ALKBH8: variants seen among roughly 807,000 people sequenced by gnomAD.
The protein encoded by ALKBH8 is alkB homolog 8, tRNA methyltransferase, also known as tRNA (carboxymethyluridine(34)-5-O)-methyltransferase ALKBH8.
ALKBH8 carries 36 observed loss-of-function variants against 59.8 expected under a neutral mutation model. The observed-to-expected ratio is 0.60, with a 90% CI of 0.46 to 0.79. The LOEUF (loss-of-function observed/expected upper bound fraction) is 0.79, where lower values mean the gene tolerates loss of function less well. Ranked by LOEUF, ALKBH8 falls within the 30% of genes least tolerant of loss-of-function variation. ALKBH8 has a pLI of 0.00. For missense variants in ALKBH8, 768 were observed against 801.0 expected (o/e 0.96, Z 0.50); for synonymous variants, 276 against 273.6 (o/e 1.01, Z -0.09).
chr11:107,560,469 G>T (rs911550242), intron 2 of ALKBH8, among the ~76,000 whole-genome samples: 2 of 151,922 alleles, frequency 1.3e-5, no homozygotes, highest in Non-Finnish European at 1.5e-5. Context: ...GACTTCTAGG[G>T]AATTAAATAT....
intron 8 of ALKBH8, among the ~76,000 whole-genome samples, chr11:107,530,823 GCT>G (rs1863564664): frequency 6.6e-6 from 1 of 152,040 alleles, no homozygotes; most frequent in African/African-American, 2.4e-5. Flanking sequence ...AGCATAACAT[GCT>G]TTCAGTAAGA....
intron 7 of ALKBH8, among the ~76,000 whole-genome samples, chr11:107,540,787 T>G (rs1864002158): frequency 6.6e-6 from 1 of 152,188 alleles, no homozygotes; most frequent in Admixed American, 6.5e-5. Flanking sequence ...TATGAAAAGG[T>G]TATAGAAGAA....
Position 107,511,032 on chromosome 11 carries a change from C to T in ALKBH8, c.1292G>A (p.Gly431Asp). The T allele has an allele frequency of 6.4e-7, 1 of 1,551,490 alleles. No homozygotes were observed. Among genetic ancestry groups the T allele is most frequent in the Non-Finnish European group, 8.7e-7 (1 of 1,146,894 alleles). Residue 431 changes from glycine to aspartate, a missense_variant, in exon 11 of 12, where the codon GGT becomes GAT. Coordinates refer to ENST00000428149, the MANE Select transcript of ALKBH8 (RefSeq NM_138775.3). ...LGINKELYMIGCDRSQNLVDI... is the reference protein window; with the variant it reads ...LGINKELYMIDCDRSQNLVDI... The stretch of plus-strand genomic sequence containing the variant: ...CACAAGGTTTTGGCTACGATCACAA[C>T]CAATCTGTAACAGAGAAGGAATTCC...
intron 10 of ALKBH8, among the ~76,000 whole-genome samples, chr11:107,514,894 G>C (rs1862796752): frequency 1.3e-5 from 2 of 152,006 alleles, no homozygotes; most frequent in Admixed American, 6.6e-5. Context: ...GAGAGCCACA[G>C]ATAAGACAGA....
intron 7 of ALKBH8, among the ~76,000 whole-genome samples, chr11:107,547,001 A>G (rs190441725): frequency 9.9e-4 from 151 of 152,276 alleles, no homozygotes; most frequent in Admixed American, 1.7e-3. Context: ...AGATCTTAGA[A>G]ATTTCCTGGG....
At chr11:107,539,476 A>G (rs2037822) in intron 7 of ALKBH8, among the ~76,000 whole-genome samples, 38,100 of 151,904 alleles carry the variant, frequency 0.25, 5,537 homozygotes, top group East Asian at 0.47. Flanking sequence ...GTGGGCGTCT[A>G]TAGTCCCAGC....
rs143543620 is a variant in ALKBH8 at position 107,516,800 on chromosome 11, C to G, written c.1287+5499G>C. Among the ~76,000 whole-genome samples, 853 of 152,304 alleles carry G rather than the reference C, an allele frequency of 5.6e-3. 5 individuals carry two copies. The highest frequency in any genetic ancestry group is 0.019 in the African/African-American group (794 of 41,574). On this transcript the variant is annotated intron_variant, in intron 10 of 11. Transcript: ENST00000428149. ...TTGGGAGACAAAGGTGGGTGGATCA[C>G]TGAAGCCCAGGCCTGGATCACTTGA...
At chr11:107,516,806 C>G (rs1862882263) in intron 10 of ALKBH8, among the ~76,000 whole-genome samples, 1 of 152,106 alleles carries the variant, frequency 6.6e-6, no homozygotes, top group Non-Finnish European at 1.5e-5. Flanking sequence ...ATCACTGAAG[C>G]CCAGGCCTGG....
At chr11:107,548,279 C>T (rs770192282) in intron 7 of ALKBH8, among the ~76,000 whole-genome samples, 4 of 152,212 alleles carry the variant, frequency 2.6e-5, no homozygotes, top group East Asian at 1.9e-4. Context: ...TGTCCAGCTA[C>T]GCCAGTGACA....
At chr11:107,549,379 G>C (rs905753603) in intron 7 of ALKBH8, among the ~76,000 whole-genome samples, 2 of 152,110 alleles carry the variant, frequency 1.3e-5, no homozygotes, top group South Asian at 2.1e-4. Context: ...TCAAAATTCA[G>C]AACACACATT....
At position 107,553,975 on chromosome 11, in the gene ALKBH8, T is replaced by C; in HGVS notation, c.371A>G (p.Gln124Arg). 1 of 1,613,578 alleles carries C rather than the reference T, an allele frequency of 6.2e-7. No homozygotes were observed. Among genetic ancestry groups the C allele is most frequent in the Non-Finnish European group, 8.5e-7 (1 of 1,179,772 alleles). Residue 124 changes from glutamine (Q) to arginine (R), a missense_variant, in exon 4 of 12, where the codon CAG becomes CGG. Coordinates refer to ENST00000428149, the MANE Select transcript of ALKBH8 (RefSeq NM_138775.3). ...GGCTTGAGGCCTCAACTCCTTCCAC[T>C]GCACTATGGGAAACCAAATTAAAAT... ...TLYLNFVEKV[Q>R]WKELRPQALP...
chr11:107,511,410 TA>T (rs1238348728), intron 10 of ALKBH8, among the ~76,000 whole-genome samples: 1 of 152,160 alleles, frequency 6.6e-6, no homozygotes, highest in African/African-American at 2.4e-5. Context: ...GACAGTCTTT[TA>T]GGGGGAGCTG....
rs1462805674 is a variant in ALKBH8 at position 107,505,200 on chromosome 11, C to G, written c.1453G>C (p.Ala485Pro). 1.9e-6 allele frequency: 3 copies of G among 1,545,470 alleles called. No homozygotes were observed. Among genetic ancestry groups the G allele is most frequent in the African/African-American group, 2.7e-5 (2 of 72,908 alleles). ...HFATAERRVA[A>P]LQEIVRLLRP... ...AGGAGTCGAACAATTTCTTGGAGAG[C>G]TGCCACTCTACGCTCCTAATGAAAA... is the stretch of plus-strand genomic sequence containing the variant. Residue 485 changes from alanine to proline, a missense_variant, in exon 12 of 12, where the codon GCT (alanine) becomes CCT (proline). By Grantham distance (27) the Ala-to-Pro change is conservative. Coordinates refer to ENST00000428149, the MANE Select transcript of ALKBH8 (RefSeq NM_138775.3).
At position 107,503,073 on chromosome 11, in the gene ALKBH8, A is replaced by G. The variant is rs1360124938; in HGVS notation, c.*1585T>C. On this transcript the variant is annotated 3_prime_UTR_variant, in exon 12 of 12. Transcript: ENST00000428149. ...ATCTTCCATTTTCTCTCCCTTCTTG[A>G]GTCAATTTTGGTATTTTTCATCTTC... 2.6e-5 allele frequency: 4 copies of G among 152,074 alleles called. No homozygotes were observed. Among genetic ancestry groups the G allele is most frequent in the African/African-American group, 4.8e-5 (2 of 41,390 alleles). 9.4% of individuals were successfully genotyped at this position (152,074 alleles called of 1,614,324 possible).
At chr11:107,530,956 T>C (rs1204827230) in intron 8 of ALKBH8, among the ~76,000 whole-genome samples, 1 of 152,226 alleles carries the variant, frequency 6.6e-6, no homozygotes. Context: ...GCTGTAGTAA[T>C]ACTATTACTT....
At chr11:107,536,184 T>G (rs537172984) in intron 7 of ALKBH8, among the ~76,000 whole-genome samples, 28 of 152,218 alleles carry the variant, frequency 1.8e-4, no homozygotes, top group Non-Finnish European at 3.8e-4. Flanking sequence ...TCACTTTACT[T>G]TTTCTGTCCA....
chr11:107,540,205 A>T (rs1414466598), intron 7 of ALKBH8, among the ~76,000 whole-genome samples: 1 of 152,226 alleles, frequency 6.6e-6, no homozygotes, highest in Admixed American at 6.5e-5. Flanking sequence ...TATGTGAAAT[A>T]GGCAAAATTA....
chr11:107,524,763 A>C (rs1863281060), intron 9 of ALKBH8, among the ~76,000 whole-genome samples: 1 of 152,156 alleles, frequency 6.6e-6, no homozygotes, highest in South Asian at 2.1e-4. Flanking sequence ...ATTATGACTA[A>C]ATCCAAAAGC....
intron 11 of ALKBH8, 24 bp from the exon 12 acceptor site, chr11:107,505,239 T>A: frequency 4.7e-6 from 7 of 1,494,686 alleles, no homozygotes; most frequent in Non-Finnish European, 6.3e-6. Flanking sequence ...ACAAAACACA[T>A]GATCAACCTG....
Sources: gnomAD v4.1 joint callset for allele counts (sites outside exome capture counted in the v4.1 genomes callset) on GRCh38, gnomAD v4.1.1 for gene constraint, MANE v1.5 for transcripts, NCBI Gene and HGNC (gene_info 2026-07-23, HGNC 2026-07-21) for gene names.